The following ATXN1 variants were observed in gnomAD, a reference collection of about 807,000 sequenced individuals.
ATXN1 encodes the protein ataxin 1.
ATXN1 carries 8 observed loss-of-function variants against 56.4 expected under a neutral mutation model. The observed-to-expected ratio is 0.14, with a 90% confidence interval of 0.08 to 0.26. The LOEUF (loss-of-function observed/expected upper bound fraction) is 0.26. Ranked by LOEUF, ATXN1 falls within the 10% of genes least tolerant of loss-of-function variation. The pLI, the probability that ATXN1 is intolerant of heterozygous loss-of-function variation, is 1.00. For missense variants in ATXN1, 987 were observed against 1,106.5 expected, an observed-to-expected ratio of 0.89 and a Z score of 1.53; for synonymous variants, 514 against 494.6, an observed-to-expected ratio of 1.04 and a Z score of -0.52.
chr6:16,759,536 T>TG (rs1760996208), intron 1 of ATXN1, among the ~76,000 whole-genome samples: 1 of 141,914 alleles, frequency 7.0e-6, no homozygotes, highest in Non-Finnish European at 1.5e-5. Context: ...GACTGTTTTT[T>TG]TTTTTTTTTT....
chr6:16,751,565 C>T (rs1760718771), intron 2 of ATXN1, among the ~76,000 whole-genome samples: 3 of 139,240 alleles, frequency 2.2e-5, no homozygotes. Context: ...GCATGCAATT[C>T]ATCAGTTCAT....
intron 4 of ATXN1, among the ~76,000 whole-genome samples, chr6:16,528,001 C>T (rs1761426555): frequency 6.6e-6 from 1 of 152,076 alleles, no homozygotes; most frequent in Admixed American, 6.6e-5. Context: ...GGCTTTTTTA[C>T]ACCATCAAGA....
intron 6 of ATXN1, among the ~76,000 whole-genome samples, chr6:16,330,271 T>C (rs1760950119): frequency 6.6e-6 from 1 of 152,172 alleles, no homozygotes; most frequent in African/African-American, 2.4e-5. Flanking sequence ...CATTCAATCC[T>C]TGTCCATGTT....
chr6:16,323,253 G>A (rs1221489870), intron 7 of ATXN1, among the ~76,000 whole-genome samples: 1 of 152,164 alleles, frequency 6.6e-6, no homozygotes, highest in African/African-American at 2.4e-5. Flanking sequence ...GGGCGCAGTG[G>A]CTCACGCCTA....
At chr6:16,723,670 A>G (rs1388062533) in intron 2 of ATXN1, among the ~76,000 whole-genome samples, 7 of 152,188 alleles carry the variant, frequency 4.6e-5, no homozygotes, top group Admixed American at 2.0e-4. Context: ...AGATAATTAC[A>G]CAATTTCAAC....
chr6:16,704,459 G>GAAGAAAGCCATAATT (rs3841158), intron 2 of ATXN1, among the ~76,000 whole-genome samples: 1 of 152,082 alleles, frequency 6.6e-6, no homozygotes, highest in South Asian at 2.1e-4. Context: ...CTTGCCCAGG[G>GAAGAAAGCCATAATT]ACTGCCATAA....
At chr6:16,739,835 C>T (rs1406693376) in intron 2 of ATXN1, 5 of 456,638 alleles carry the variant, frequency 1.1e-5, no homozygotes, top group African/African-American at 4.0e-5. Context: ...ACACTTTGAA[C>T]GGCAAAGACA....
intron 4 of ATXN1, among the ~76,000 whole-genome samples, chr6:16,584,243 TACACACACACACACACACACACACACAC>T (rs368108414): frequency 6.2e-4 from 73 of 118,366 alleles, no homozygotes; most frequent in East Asian, 1.2e-3. Flanking sequence ...TATATATATA[TACACACACACACACACACACACACACAC>T]ATATACACAT....
rs529853091 is a variant in ATXN1 at position 16,506,183 on chromosome 6, G to A, written c.-299+16444C>T. On this transcript the variant is annotated intron_variant, in intron 5 of 7. Transcript: ENST00000436367. The surrounding 1 kb of genome is among the most constrained non-coding windows in gnomAD (Gnocchi z 4.1). ...AAAATATTTCTAGGGTAGCACAGAAGTTTGGCCTTTTCGCTGGTGATTTAT... is the reference window on the plus strand; with the variant it reads ...AAAATATTTCTAGGGTAGCACAGAAATTTGGCCTTTTCGCTGGTGATTTAT... 6.6e-6 allele frequency among the ~76,000 whole-genome samples: 1 copy of A among 152,328 alleles called. No homozygotes were observed. Among genetic ancestry groups the A allele is most frequent in the African/African-American group, 2.4e-5 (1 of 41,576 alleles).
rs950556564 is a variant in ATXN1 at position 16,303,367 on chromosome 6, C to T, written c.*2962G>A. 1 of 99,716 alleles carries T rather than the reference C, an allele frequency of 1.0e-5. No individual in the cohort carries two copies. The highest frequency in any genetic ancestry group is 2.3e-5 in the Non-Finnish European group (1 of 43,334). The allele number at this position is 99,716 out of a possible 1,614,324, so 6.2% of individuals were successfully genotyped here. ...CAGACGCACGGGGCTCCTGAAGGCT[C>T]CCCGCCCCAGCACTCAGCATCCGCA... On this transcript the variant is annotated 3_prime_UTR_variant, in exon 8 of 8. Transcript: ENST00000436367. This position sits in a 1 kb window ranked among gnomAD's most constrained non-coding sequence, Gnocchi z 4.3.
chr6:16,327,322 T>G lies in ATXN1; in HGVS notation c.989A>C (p.Lys330Thr). Residue 330 changes from lysine to threonine, a missense_variant, in exon 7 of 8, where the codon AAG becomes ACG. Physicochemically the swap from Lys to Thr is moderately conservative, Grantham distance 78 (BLOSUM62 -1). Coordinates refer to ENST00000436367, the MANE Select transcript of ATXN1 (RefSeq NM_001128164.2). ...AKEVLNGEME[K>T]SRRYGAPSSA... ...GGACGGGGCCCCGTACCGCCGGCTCTTCTCCATCTCACCGTTCAGGACCTC... is the reference window on the plus strand; with the variant it reads ...GGACGGGGCCCCGTACCGCCGGCTCGTCTCCATCTCACCGTTCAGGACCTC... The G allele has an allele frequency of 6.2e-7, 1 of 1,613,244 alleles. No individual in the cohort carries two copies. The highest frequency in any genetic ancestry group is 8.5e-7 in the Non-Finnish European group (1 of 1,179,984).
chr6:16,566,858 A>AAAC lies in ATXN1; in HGVS notation c.-361+18919_-361+18921dup, dbSNP rs150789955. On this transcript the variant is annotated intron_variant, in intron 4 of 7. Coordinates refer to ENST00000436367, the MANE Select transcript of ATXN1 (RefSeq NM_001128164.2). ...GCAACAGAGTGAGACTCCGTCTCAAAAACAACAACAACAACAACAACAACA... is the reference window on the plus strand; with the variant it reads ...GCAACAGAGTGAGACTCCGTCTCAAAAACAACAACAACAACAACAACAACAACA... Among the ~76,000 whole-genome samples, 257 of 150,776 alleles carry AAAC rather than the reference A, an allele frequency of 1.7e-3. 1 individual carries two copies. The highest frequency in any genetic ancestry group is 5.8e-3 in the African/African-American group (238 of 41,040).
chr6:16,353,006 C>T (rs1407572505), intron 6 of ATXN1, among the ~76,000 whole-genome samples: 2 of 152,052 alleles, frequency 1.3e-5, no homozygotes, highest in African/African-American at 4.8e-5. Flanking sequence ...CGGCGGGGAG[C>T]GCTGCGCAGC....
At chr6:16,351,675 T>A (rs1469099015) in intron 6 of ATXN1, among the ~76,000 whole-genome samples, 2 of 152,192 alleles carry the variant, frequency 1.3e-5, no homozygotes, top group Non-Finnish European at 2.9e-5. Context: ...AGTGTTGGGA[T>A]AACAGGCATG....
At chr6:16,549,928 T>G (rs1761886701) in intron 4 of ATXN1, among the ~76,000 whole-genome samples, 1 of 135,620 alleles carries the variant, frequency 7.4e-6, no homozygotes, top group Admixed American at 7.4e-5. Context: ...GGAATAGGCA[T>G]GCCATTCTCA....
chr6:16,340,286 C>T (rs1315810162), intron 6 of ATXN1, among the ~76,000 whole-genome samples: 2 of 152,214 alleles, frequency 1.3e-5, no homozygotes, highest in African/African-American at 4.8e-5. Flanking sequence ...AGATATTTGC[C>T]TGATCTCCAG....
intron 6 of ATXN1, among the ~76,000 whole-genome samples, chr6:16,396,259 T>TA (rs749738695): frequency 0.011 from 1,603 of 142,920 alleles, 21 homozygotes; most frequent in African/African-American, 0.035. Context: ...ACAGAAAACT[T>TA]AAAAAAAAAA....
At chr6:16,462,096 A>C (rs1024866255) in intron 6 of ATXN1, among the ~76,000 whole-genome samples, 2 of 152,230 alleles carry the variant, frequency 1.3e-5, no homozygotes, top group South Asian at 2.1e-4. Context: ...CACAGAGACA[A>C]GGGAACAGAG....
At chr6:16,683,947 C>T (rs962948903) in intron 2 of ATXN1, among the ~76,000 whole-genome samples, 2 of 152,210 alleles carry the variant, frequency 1.3e-5, no homozygotes, top group African/African-American at 2.4e-5. Context: ...TCATGGTTCA[C>T]GGTTCTTCTC....
Sources: gnomAD v4.1 joint callset for allele counts (sites outside exome capture counted in the v4.1 genomes callset) on GRCh38, gnomAD v4.1.1 for gene constraint, Gnocchi (gnomAD v3.1) non-coding constraint, MANE v1.5 for transcripts, NCBI Gene and HGNC (gene_info 2026-07-23, HGNC 2026-07-21) for gene names.